The following PLPP4 variants were observed in gnomAD, a reference collection of about 807,000 sequenced individuals.
The protein encoded by PLPP4 is phospholipid phosphatase 4.
In PLPP4, 20 loss-of-function variants were observed where a neutral mutation model predicts 32.2. That is an observed-to-expected ratio of 0.62 (90% CI 0.44 to 0.90). The LOEUF is 0.90. Among genes scored for constraint, PLPP4 ranks in the 40% least tolerant of loss-of-function variants. The probability of loss-of-function intolerance (pLI) is 0.00; values close to 1 mark genes in which losing one functional copy is unlikely to be tolerated. For synonymous variants in PLPP4, 127 were observed against 133.0 expected, an observed-to-expected ratio of 0.95 and a Z score of 0.31; for missense variants, 257 against 353.1, an observed-to-expected ratio of 0.73 and a Z score of 2.18.
intron 1 of PLPP4, among the ~76,000 whole-genome samples, chr10:120,471,509 ATAT>A (rs1462959376): frequency 6.6e-6 from 1 of 151,858 alleles, no homozygotes; most frequent in African/African-American, 2.4e-5. Context: ...CTTTGTATTA[ATAT>A]TATTATCTTA....
chr10:120,512,616 G>T (rs1845772875), intron 2 of PLPP4, among the ~76,000 whole-genome samples: 1 of 152,050 alleles, frequency 6.6e-6, no homozygotes, highest in Non-Finnish European at 1.5e-5. Flanking sequence ...TAAAAGAAGA[G>T]CTCTTGGCCA....
At chr10:120,503,044 A>G (rs964525288) in intron 1 of PLPP4, among the ~76,000 whole-genome samples, 13 of 152,200 alleles carry the variant, frequency 8.5e-5, no homozygotes, top group Admixed American at 7.2e-4. Flanking sequence ...CAGCTGCCGC[A>G]ACCCCAGCAC....
intron 5 of PLPP4, among the ~76,000 whole-genome samples, chr10:120,534,664 A>G (rs1846918091): frequency 6.6e-6 from 1 of 152,054 alleles, no homozygotes; most frequent in Admixed American, 6.6e-5. Context: ...TTGGATTGGA[A>G]AATCGCTATC....
chr10:120,586,788 C>T (rs1453488513), intron 6 of PLPP4, among the ~76,000 whole-genome samples: 1 of 152,160 alleles, frequency 6.6e-6, no homozygotes, highest in Admixed American at 6.5e-5. Flanking sequence ...CACAATTTGT[C>T]ATTGTTCGCC....
intron 6 of PLPP4, among the ~76,000 whole-genome samples, chr10:120,584,032 G>T (rs1481510224): frequency 6.6e-6 from 1 of 152,128 alleles, no homozygotes; most frequent in Non-Finnish European, 1.5e-5. Flanking sequence ...GTCAATTTGT[G>T]TCCTGTAGTC....
chr10:120,503,996 G>GT (rs1236588943), intron 2 of PLPP4, 70 bp downstream of exon 2: 8 of 1,102,312 alleles, frequency 7.3e-6, no homozygotes, highest in Non-Finnish European at 1.1e-5. Flanking sequence ...TTTCATCTTT[G>GT]TTTTTCTAAC....
intron 1 of PLPP4, among the ~76,000 whole-genome samples, chr10:120,493,093 A>G (rs1844793594): frequency 6.6e-6 from 1 of 152,168 alleles, no homozygotes. Context: ...TTCATTCTCT[A>G]ATCCCACAAT....
intron 1 of PLPP4, among the ~76,000 whole-genome samples, chr10:120,492,432 AT>A (rs1844764557): frequency 6.6e-6 from 1 of 152,138 alleles, no homozygotes; most frequent in African/African-American, 2.4e-5. Context: ...GTGTTTTGCT[AT>A]TTTTATTATG....
At chr10:120,567,790 CTT>C (rs1300798067) in intron 5 of PLPP4, among the ~76,000 whole-genome samples, 1 of 152,150 alleles carries the variant, frequency 6.6e-6, no homozygotes, top group Non-Finnish European at 1.5e-5. Context: ...GCCTTCCTGA[CTT>C]TAAAAAATTC....
At chr10:120,580,671 ACACACAC>A (rs369322728) in intron 6 of PLPP4, among the ~76,000 whole-genome samples, 7,582 of 146,954 alleles carry the variant, frequency 0.052, 257 homozygotes, top group Admixed American at 0.099. Flanking sequence ...ACACACACAC[ACACACAC>A]ACGGCTGAGG....
chr10:120,544,557 T>C (rs548854173), intron 5 of PLPP4, among the ~76,000 whole-genome samples: 42 of 152,154 alleles, frequency 2.8e-4, no homozygotes, highest in Non-Finnish European at 5.6e-4. Context: ...ACACAGACTC[T>C]CCTGCTCCCC....
chr10:120,496,888 G>GGA lies in PLPP4; in HGVS notation c.57-6915_57-6914dup, dbSNP rs372700642. ...GAGAGAGAGAGAGAGAAAGGAATAG[G>GGA]GAGAGAGAGAGAGAGAATGTGTGAG... On this transcript the variant is annotated intron_variant, in intron 1 of 6. Transcript: ENST00000398250. Among the ~76,000 whole-genome samples the GGA allele has an allele frequency of 1.6e-4, 23 of 145,376 alleles. No homozygotes were observed. In the South Asian group the frequency reaches 1.8e-3, roughly 11 times the overall value.
chr10:120,556,315 T>C (rs1848163473), intron 5 of PLPP4, among the ~76,000 whole-genome samples: 2 of 152,196 alleles, frequency 1.3e-5, no homozygotes, highest in African/African-American at 4.8e-5. Flanking sequence ...CTCTTAAAGC[T>C]GACAGGTGGC....
chr10:120,488,552 CCAA>C (rs1844564499), intron 1 of PLPP4, among the ~76,000 whole-genome samples: 1 of 152,198 alleles, frequency 6.6e-6, no homozygotes, highest in Non-Finnish European at 1.5e-5. Flanking sequence ...TTCCATTTTA[CCAA>C]CAAGGAAGTA....
intron 5 of PLPP4, among the ~76,000 whole-genome samples, chr10:120,555,093 G>T (rs1175816231): frequency 6.6e-6 from 1 of 152,066 alleles, no homozygotes; most frequent in African/African-American, 2.4e-5. Context: ...AATGTGGGGG[G>T]TGGGGGTGGA....
intron 5 of PLPP4, among the ~76,000 whole-genome samples, chr10:120,534,055 G>A (rs181733341): frequency 6.6e-6 from 1 of 152,082 alleles, no homozygotes; most frequent in African/African-American, 2.4e-5. Context: ...AACTTTATTG[G>A]TGTTCTTTGT....
chr10:120,506,264 C>A (rs1845485921), intron 2 of PLPP4, among the ~76,000 whole-genome samples: 2 of 152,128 alleles, frequency 1.3e-5, no homozygotes, highest in South Asian at 2.1e-4. Flanking sequence ...TAGTACAATT[C>A]CATAATAACA....
At position 120,575,115 on chromosome 10, in the gene PLPP4, T is replaced by C. The variant is rs761050521; in HGVS notation, c.446-16T>C. ...CACCACCTGCTAGAGTAACACCTGC[T>C]GTTTCTGTTTGGCAGTTGCCTTTTC... On this transcript the variant is annotated splice_polypyrimidine_tract_variant and intron_variant, in intron 5 of 6. Transcript: ENST00000398250. 5.6e-6 allele frequency: 9 copies of C among 1,609,660 alleles called. No homozygotes were observed. In the Admixed American group the frequency reaches 1.3e-4, roughly 24 times the overall value.
At position 120,486,215 on chromosome 10, in the gene PLPP4, C is replaced by T. The variant is rs913103; in HGVS notation, c.57-17603C>T. On this transcript the variant is annotated intron_variant, in intron 1 of 6. Coordinates refer to ENST00000398250, the MANE Select transcript of PLPP4 (RefSeq NM_001030059.3). ...TGCCAATAGTCTTAAATTCGGGCAG[C>T]CCCGTCAACCTCCATCTGTGAGAGG... is the stretch of plus-strand genomic sequence containing the variant. Among the ~76,000 whole-genome samples the T allele has an allele frequency of 5.9e-3, 894 of 151,870 alleles. 11 individuals carry two copies. The highest frequency in any genetic ancestry group is 0.021 in the African/African-American group (856 of 41,400).
Sources: allele counts gnomAD v4.1 joint callset (sites outside exome capture counted in the v4.1 genomes callset), GRCh38; gene constraint gnomAD v4.1.1; transcripts MANE v1.5; gene names NCBI Gene and HGNC (gene_info 2026-07-23, HGNC 2026-07-21).